PLCB1: variants seen among roughly 807,000 people sequenced by gnomAD.
PLCB1 encodes the protein phospholipase C beta 1.
A neutral mutation model predicts 161.8 loss-of-function variants in PLCB1; 46 were observed. The observed-to-expected ratio is 0.28, with a 90% CI of 0.22 to 0.36. The LOEUF (loss-of-function observed/expected upper bound fraction) is 0.36. Ranked by LOEUF, PLCB1 falls within the 10% of genes least tolerant of loss-of-function variation. The pLI is 1.00. For synonymous variants in PLCB1, 517 were observed against 503.7 expected (o/e 1.03, Z -0.35); for missense variants, 1,016 against 1,472.5 (o/e 0.69, Z 5.07).
intron 2 of PLCB1, chr20:8,306,402 T>A (rs565964890): frequency 6.6e-6 from 1 of 152,338 alleles, no homozygotes; most frequent in South Asian, 2.1e-4. Flanking sequence ...CAAACTAGAA[T>A]CTTCTGCACA....
At chr20:8,274,575 A>G (rs902699639) in intron 2 of PLCB1, among the ~76,000 whole-genome samples, 3 of 152,064 alleles carry the variant, frequency 2.0e-5, no homozygotes, top group African/African-American at 7.2e-5. Flanking sequence ...TTTAAATAAG[A>G]TCAATGTTCT....
At chr20:8,401,282 C>T (rs891645131) in intron 3 of PLCB1, among the ~76,000 whole-genome samples, 3 of 152,124 alleles carry the variant, frequency 2.0e-5, no homozygotes, top group African/African-American at 7.2e-5. Context: ...ATATGATCTC[C>T]AGCTTTTAAT....
chr20:8,659,061 A>G (rs1989550478), intron 9 of PLCB1, among the ~76,000 whole-genome samples: 1 of 151,980 alleles, frequency 6.6e-6, no homozygotes, highest in South Asian at 2.1e-4. Context: ...GTGGCCCACA[A>G]GTTTTTCTAA....
chr20:8,564,568 A>G (rs538205598), intron 3 of PLCB1, among the ~76,000 whole-genome samples: 4 of 152,256 alleles, frequency 2.6e-5, no homozygotes, highest in Non-Finnish European at 5.9e-5. Context: ...ATGGGAGAAA[A>G]TTTTTGCAGT....
rs1989250535 is a variant in PLCB1, at chr20:8,649,383, C to G, written c.528C>G (p.Arg176=). ...TGTGTTCACTTCACAGCATATATCG[C>G]TTGTTTTCAGCAGATCGGAAGCGAG... ...EGRIPLKNIY[R]LFSADRKRVE... The change falls in exon 7 of 32, where the codon CGC becomes CGG. Residue 176 remains arginine, a synonymous_variant. Coordinates refer to ENST00000338037, the MANE Select transcript of PLCB1 (RefSeq NM_015192.4). 6.2e-7 allele frequency: 1 copy of G among 1,613,038 alleles called. No homozygotes were observed. Among genetic ancestry groups the G allele is most frequent in the Non-Finnish European group, 8.5e-7 (1 of 1,179,132 alleles).
chr20:8,176,433 G>C (rs967013572), intron 2 of PLCB1, among the ~76,000 whole-genome samples: 1 of 152,138 alleles, frequency 6.6e-6, no homozygotes, highest in African/African-American at 2.4e-5. Flanking sequence ...TTTTGCAATG[G>C]CAAAATTTTA....
intron 31 of PLCB1, among the ~76,000 whole-genome samples, chr20:8,871,601 C>T (rs748232108): frequency 5.3e-5 from 8 of 152,184 alleles, no homozygotes; most frequent in African/African-American, 2.4e-5. Context: ...TTTCTCCAGT[C>T]ACCACAACAC....
At chr20:8,356,775 G>A (rs1385432920) in intron 2 of PLCB1, among the ~76,000 whole-genome samples, 1 of 152,134 alleles carries the variant, frequency 6.6e-6, no homozygotes, top group Admixed American at 6.5e-5. Flanking sequence ...AGGTTTTTAC[G>A]ATGGGGCCTA....
intron 27 of PLCB1, among the ~76,000 whole-genome samples, chr20:8,777,171 TC>T (rs1982983443): frequency 6.6e-6 from 1 of 151,978 alleles, no homozygotes; most frequent in African/African-American, 2.4e-5. Flanking sequence ...TCTTCTGGGG[TC>T]TTTAGGCCTC....
At chr20:8,752,118 G>A (rs1432887126) in intron 23 of PLCB1, 1 of 152,092 alleles carries the variant, frequency 6.6e-6, no homozygotes, top group African/African-American at 2.4e-5. Context: ...TAGTGCAACA[G>A]GGTAGTTCTT....
intron 2 of PLCB1, among the ~76,000 whole-genome samples, chr20:8,259,296 G>GGAA (rs1981577827): frequency 3.9e-5 from 6 of 152,098 alleles, no homozygotes; most frequent in Admixed American, 3.9e-4. Context: ...GGTGTGGCAG[G>GGAA]GAAGTCTGAA....
At chr20:8,629,883 CTCTT>C (rs141081163) in intron 4 of PLCB1, among the ~76,000 whole-genome samples, 5,643 of 116,086 alleles carry the variant, frequency 0.049, 229 homozygotes, top group Admixed American at 0.054. Context: ...CTTTCTCTCT[CTCTT>C]TCTTTTCTTT....
At chr20:8,539,645 T>TTTCC (rs1555768747) in intron 3 of PLCB1, among the ~76,000 whole-genome samples, 27 of 63,592 alleles carry the variant, frequency 4.2e-4, no homozygotes, top group African/African-American at 1.3e-3. Context: ...TCTTTCTTTC[T>TTTCC]TTCTTTCTTT....
intron 31 of PLCB1, among the ~76,000 whole-genome samples, chr20:8,834,771 C>T (rs560085339): frequency 1.1e-4 from 15 of 136,748 alleles, no homozygotes; most frequent in East Asian, 2.5e-4. Flanking sequence ...GCCAAGTCCG[C>T]GCCACTGCAC....
intron 2 of PLCB1, among the ~76,000 whole-genome samples, chr20:8,307,026 A>G (rs991469010): frequency 1.3e-5 from 2 of 152,250 alleles, no homozygotes; most frequent in African/African-American, 4.8e-5. Context: ...CAATGGAAGC[A>G]GAGCAGAACT....
At position 8,470,765 on chromosome 20, in the gene PLCB1, G is replaced by A. The variant is rs1600092150; in HGVS notation, c.246+99315G>A. ...TGGTCATTCATTTATCTCTTTTGGA[G>A]AAATGTGTATTCAGATTATTTGCCC... On this transcript the variant is annotated intron_variant, in intron 3 of 31. Coordinates refer to ENST00000338037, the MANE Select transcript of PLCB1 (RefSeq NM_015192.4). Among the ~76,000 whole-genome samples the A allele has an allele frequency of 2.0e-5, 3 of 152,182 alleles. No homozygotes were observed. The East Asian group carries it at 5.8e-4, about 29-fold the overall frequency.
intron 3 of PLCB1, among the ~76,000 whole-genome samples, chr20:8,411,155 C>T (rs1979026182): frequency 6.6e-6 from 1 of 152,164 alleles, no homozygotes; most frequent in Non-Finnish European, 1.5e-5. Context: ...TGCTAACCAG[C>T]AGCCAAATTT....
chr20:8,311,636 A>G (rs927047138), intron 2 of PLCB1, among the ~76,000 whole-genome samples: 4 of 152,194 alleles, frequency 2.6e-5, no homozygotes, highest in Non-Finnish European at 4.4e-5. Context: ...AGACATTGGC[A>G]TGTCTAGTGA....
intron 2 of PLCB1, among the ~76,000 whole-genome samples, chr20:8,156,598 A>G (rs1232263325): frequency 6.6e-6 from 1 of 152,198 alleles, no homozygotes; most frequent in Admixed American, 6.5e-5. Context: ...TGATTTTCCT[A>G]AAACAGTCCT....
Sources: allele counts gnomAD v4.1 joint callset (sites outside exome capture counted in the v4.1 genomes callset), GRCh38; gene constraint gnomAD v4.1.1; transcripts MANE v1.5; gene names NCBI Gene and HGNC (gene_info 2026-07-23, HGNC 2026-07-21).